Variants in NKAIN1 observed in about 807,000 individuals in gnomAD.
The protein encoded by NKAIN1 is sodium/potassium transporting ATPase interacting 1.
A neutral mutation model predicts 31.6 loss-of-function variants in NKAIN1; 13 were observed. The observed-to-expected ratio is 0.41, with a 90% CI of 0.27 to 0.65. NKAIN1 has a LOEUF of 0.65. NKAIN1 is among the 30% of genes least tolerant of loss of function. NKAIN1 has a pLI of 0.30. For missense variants in NKAIN1, 193 were observed against 262.2 expected (o/e 0.74, Z 1.82); for synonymous variants, 104 against 109.0 (o/e 0.95, Z 0.28).
chr1:31,204,019 C>G (rs1214074098), intron 1 of NKAIN1, among the ~76,000 whole-genome samples: 32 of 152,178 alleles, frequency 2.1e-4, no homozygotes, highest in Admixed American at 2.1e-3. Context: ...CCCAGTGTGC[C>G]TGAGACCATG....
rs1334094237 is a variant in NKAIN1, at chr1:31,232,396, C to CACATATAT, written c.54+7097_54+7098insATATATGT. 8.4e-3 allele frequency among the ~76,000 whole-genome samples: 54 copies of CACATATAT among 6,410 alleles called. 5 individuals carry two copies. The highest frequency in any genetic ancestry group is 0.013 in the African/African-American group (51 of 4,030). The allele number at this position is 6,410 out of a possible 152,430, so 4.2% of individuals were successfully genotyped here. A position where few individuals can be genotyped will look rare whatever the true frequency, so the allele number is the denominator to read the frequency against. ...ATGAGCCACCGTGTCTGGCCTACTTCATATATATATATATATATATATATA... is the reference window on the plus strand; with the variant it reads ...ATGAGCCACCGTGTCTGGCCTACTTCACATATATATATATATATATATATATATATATA... On this transcript the variant is annotated intron_variant, in intron 1 of 6. Transcript: ENST00000373736.
chr1:31,184,997 T>C lies in NKAIN1; in HGVS notation c.273+250A>G, dbSNP rs530850118. ...ATACTGTTGGTTTTTACTGAGCTTG[T>C]GATCAACTGGGACCCCTGGCTCATC... On this transcript the variant is annotated intron_variant, in intron 3 of 6. Transcript: ENST00000373736. 4.6e-5 allele frequency among the ~76,000 whole-genome samples: 7 copies of C among 152,346 alleles called. No homozygotes were observed. The South Asian group carries it at 1.4e-3, about 32-fold the overall frequency.
intron 1 of NKAIN1, among the ~76,000 whole-genome samples, chr1:31,232,442 G>T (rs1261062254): frequency 2.3e-4 from 21 of 91,904 alleles, no homozygotes; most frequent in African/African-American, 6.1e-4. Context: ...GAGAGAGAGA[G>T]AGAGAGAGAG....
At chr1:31,198,770 G>C (rs1645351750) in intron 1 of NKAIN1, among the ~76,000 whole-genome samples, 1 of 151,388 alleles carries the variant, frequency 6.6e-6, no homozygotes, top group Admixed American at 6.6e-5. Flanking sequence ...AGCTGAAGGG[G>C]GATGCCGTTG....
At position 31,183,950 on chromosome 1, in the gene NKAIN1, G is replaced by A; in HGVS notation, c.338C>T (p.Pro113Leu). 1 of 1,614,132 alleles carries A rather than the reference G, an allele frequency of 6.2e-7. No homozygotes were observed. Among genetic ancestry groups the A allele is most frequent in the Non-Finnish European group, 8.5e-7 (1 of 1,180,032 alleles). ...CAGAACAGGTGTCACCAGGCAGCCT[G>A]GCCCATTCTCCATCCACCAGGAGCG... is the stretch of plus-strand genomic sequence containing the variant. ...LHRSWWMENG[P>L]GCLVTPVLNS... Residue 113 changes from proline to leucine, a missense_variant, in exon 4 of 7, where the codon CCA (proline) becomes CTA (leucine). Pro to Leu is a moderately conservative substitution (Grantham distance 98, BLOSUM62 -3). Coordinates refer to ENST00000373736, the MANE Select transcript of NKAIN1 (RefSeq NM_024522.3).
chr1:31,228,824 G>T (rs1487029915), intron 1 of NKAIN1, among the ~76,000 whole-genome samples: 1 of 151,820 alleles, frequency 6.6e-6, no homozygotes. Context: ...TTGAACTCCG[G>T]GCCTCAAGTC....
At chr1:31,237,182 T>A (rs1016550118) in intron 1 of NKAIN1, among the ~76,000 whole-genome samples, 4 of 151,838 alleles carry the variant, frequency 2.6e-5, no homozygotes, top group Admixed American at 6.6e-5. Flanking sequence ...GCCTGGGAGG[T>A]CAAGGCTGTA....
rs1645667741 is a variant in NKAIN1, at chr1:31,233,146, C to T, written c.54+6348G>A. Among the ~76,000 whole-genome samples the T allele has an allele frequency of 6.6e-6, 1 of 152,160 alleles. No homozygotes were observed. The highest frequency in any genetic ancestry group is 6.6e-5 in the Admixed American group (1 of 15,262). ...TGTATTTTTAGTAGAGATGCGGTTT[C>T]ACCACATTGGCCAGGCTGGTTTCGA... On this transcript the variant is annotated intron_variant, in intron 1 of 6. Transcript: ENST00000373736. This position sits in a 1 kb window ranked among gnomAD's most constrained non-coding sequence, Gnocchi z 4.0.
At chr1:31,231,789 C>T (rs1453877926) in intron 1 of NKAIN1, among the ~76,000 whole-genome samples, 1 of 152,316 alleles carries the variant, frequency 6.6e-6, no homozygotes, top group Non-Finnish European at 1.5e-5. Flanking sequence ...CTTGGCCTCC[C>T]AAAGTGCCGG....
Position 31,181,574 on chromosome 1 carries a change from G to A in NKAIN1, c.*129C>T. ...GTCCAAGTCCGCATCTCCAGATGCA[G>A]ACGCGGGGTTGGGCACAGGCTGCAG... On this transcript the variant is annotated 3_prime_UTR_variant, in exon 7 of 7. Transcript: ENST00000373736. The A allele has an allele frequency of 1.2e-6, 1 of 825,120 alleles. No homozygotes were observed. The highest frequency in any genetic ancestry group is 1.7e-6 in the Non-Finnish European group (1 of 589,812). 51.1% of individuals were successfully genotyped at this position (825,120 alleles called of 1,614,324 possible). A position where few individuals can be genotyped will look rare whatever the true frequency, so the allele number is the denominator to read the frequency against.
At chr1:31,183,563 C>T (rs917419666) in intron 4 of NKAIN1, among the ~76,000 whole-genome samples, 1 of 151,116 alleles carries the variant, frequency 6.6e-6, no homozygotes, top group Admixed American at 6.6e-5. Flanking sequence ...ATTCTCCTCC[C>T]TCAGCCTCCT....
intron 1 of NKAIN1, among the ~76,000 whole-genome samples, chr1:31,195,311 G>A (rs543167558): frequency 6.6e-5 from 10 of 151,464 alleles, no homozygotes; most frequent in East Asian, 3.9e-4. Context: ...TAGTGGAGAC[G>A]GGGTTTCACC....
chr1:31,184,556 G>T (rs1645228001), intron 3 of NKAIN1, among the ~76,000 whole-genome samples: 1 of 152,112 alleles, frequency 6.6e-6, no homozygotes, highest in South Asian at 2.1e-4. Context: ...ACATGAAGTT[G>T]CAGTTGCTCT....
intron 1 of NKAIN1, among the ~76,000 whole-genome samples, chr1:31,231,705 T>TG (rs1645650322): frequency 2.0e-4 from 1 of 5,110 alleles, no homozygotes; most frequent in African/African-American, 2.6e-4. Flanking sequence ...TAATTTTTTG[T>TG]ATTTTTAGTA....
At chr1:31,225,579 T>C (rs572242497) in intron 1 of NKAIN1, among the ~76,000 whole-genome samples, 4 of 152,186 alleles carry the variant, frequency 2.6e-5, no homozygotes, top group Non-Finnish European at 5.9e-5. Flanking sequence ...CCACCCACCA[T>C]GGCCTCCCAA....
intron 1 of NKAIN1, among the ~76,000 whole-genome samples, chr1:31,191,198 G>A (rs182247750): frequency 9.9e-5 from 15 of 152,138 alleles, no homozygotes; most frequent in Admixed American, 9.8e-4. Flanking sequence ...GGCTGAGGGA[G>A]GAGAATTGCT....
chr1:31,231,720 C>T (rs1031777725), intron 1 of NKAIN1, among the ~76,000 whole-genome samples: 141 of 150,978 alleles, frequency 9.3e-4, no homozygotes, highest in Middle Eastern at 3.5e-3. Flanking sequence ...TTAGTAGAGA[C>T]AGGGTTTCAC....
intron 1 of NKAIN1, among the ~76,000 whole-genome samples, chr1:31,197,407 G>A (rs1339296746): frequency 6.6e-6 from 1 of 151,958 alleles, no homozygotes; most frequent in African/African-American, 2.4e-5. Context: ...TACCACGTCT[G>A]GCCTAATTTT....
chr1:31,191,566 TG>T (rs1371149606), intron 1 of NKAIN1, among the ~76,000 whole-genome samples: 1 of 152,152 alleles, frequency 6.6e-6, no homozygotes, highest in African/African-American at 2.4e-5. Context: ...GAAGTTGTTG[TG>T]GGGATATAGA....
Sources: gnomAD v4.1 joint callset for allele counts (sites outside exome capture counted in the v4.1 genomes callset) on GRCh38, gnomAD v4.1.1 for gene constraint, Gnocchi (gnomAD v3.1) non-coding constraint, MANE v1.5 for transcripts, NCBI Gene and HGNC (gene_info 2026-07-23, HGNC 2026-07-21) for gene names.